The following GDPD1 variants were observed in gnomAD, a reference collection of about 807,000 sequenced individuals.
GDPD1 encodes the protein glycerophosphodiester phosphodiesterase domain containing 1.
Under a neutral mutation model 45.1 loss-of-function variants are expected in GDPD1, and 28 were observed. The ratio of observed to expected loss-of-function variants is 0.62; its 90% CI spans 0.46 to 0.85. GDPD1 has a LOEUF of 0.85. Among genes scored for constraint, GDPD1 ranks in the 40% least tolerant of loss-of-function variants. GDPD1 has a pLI of 0.00. For missense variants in GDPD1, 256 were observed against 364.8 expected (o/e 0.70, Z 2.43); for synonymous variants, 139 against 131.4 (o/e 1.06, Z -0.40).
intron 3 of GDPD1, among the ~76,000 whole-genome samples, chr17:59,247,491 G>A (rs2047221093): frequency 6.6e-6 from 1 of 152,066 alleles, no homozygotes; most frequent in Non-Finnish European, 1.5e-5. Flanking sequence ...TGGCCTTTCA[G>A]ATTCCATACT....
intron 6 of GDPD1, among the ~76,000 whole-genome samples, chr17:59,262,380 C>T (rs140331148): frequency 2.4e-4 from 36 of 152,242 alleles, no homozygotes; most frequent in African/African-American, 8.7e-4. Flanking sequence ...CAAACTCTGA[C>T]ATTTCCATAC....
In GDPD1 at chr17:59,238,268, CA is replaced by C. The variant is rs373144110; in HGVS notation, c.185+3752del. Reference sequence around the variant, plus strand: ...GGGCAACAAGAGTGAAACTCCATCTCAAAAAAAAAAAAAAAAAAGAAGTAAT... The same window carrying C: ...GGGCAACAAGAGTGAAACTCCATCTCAAAAAAAAAAAAAAAAAGAAGTAAT... On this transcript the variant is annotated intron_variant, in intron 2 of 9. Transcript: ENST00000284116. Among the ~76,000 whole-genome samples the C allele has an allele frequency of 9.6e-3, 770 of 80,152 alleles. 2 individuals are homozygous for C. The highest frequency in any genetic ancestry group is 0.029 in the African/African-American group (656 of 22,934). 52.6% of individuals were successfully genotyped at this position (80,152 alleles called of 152,430 possible). A position where few individuals can be genotyped will look rare whatever the true frequency, so the allele number is the denominator to read the frequency against.
intron 8 of GDPD1, 121 bp downstream of exon 8, chr17:59,271,116 T>G: frequency 1.7e-6 from 1 of 595,534 alleles, no homozygotes; most frequent in East Asian, 2.9e-5. Context: ...ATTGAGCACC[T>G]GCTATGTAAA....
Position 59,220,599 on chromosome 17 carries a change from C to T in GDPD1, c.-11C>T, listed in dbSNP as rs2046995274. On this transcript the variant is annotated 5_prime_UTR_variant, in exon 1 of 10. In the 5' UTR this introduces an upstream ATG that the reference lacks. Coordinates refer to ENST00000284116, the MANE Select transcript of GDPD1 (RefSeq NM_182569.4). ...GCCCGGAGGTGGGAGACTTCCCACA[C>T]GGTGACTGAGATGTCGTCCACTGCG... The T allele has an allele frequency of 6.2e-7, 1 of 1,612,212 alleles. No individual in the cohort carries two copies. Among genetic ancestry groups the T allele is most frequent in the Non-Finnish European group, 8.5e-7 (1 of 1,178,966 alleles).
intron 6 of GDPD1, 80 bp downstream of exon 6, chr17:59,257,920 A>AT (rs947170282): frequency 2.0e-5 from 20 of 990,892 alleles, no homozygotes; most frequent in East Asian, 3.1e-5. Context: ...TATAGTAATA[A>AT]TTTTTTTTCT....
intron 4 of GDPD1, among the ~76,000 whole-genome samples, chr17:59,256,076 C>T (rs1474359356): frequency 3.3e-5 from 5 of 150,568 alleles, no homozygotes; most frequent in Admixed American, 6.7e-5. Context: ...CCCAGCACTT[C>T]GGGAGGCCGA....
intron 2 of GDPD1, among the ~76,000 whole-genome samples, chr17:59,237,925 C>T (rs1174943033): frequency 7.3e-6 from 1 of 136,284 alleles, no homozygotes; most frequent in African/African-American, 2.8e-5. Context: ...TAAAAATTAG[C>T]TGGGCACAGC....
intron 1 of GDPD1, among the ~76,000 whole-genome samples, chr17:59,229,197 A>G (rs528523119): frequency 6.0e-4 from 89 of 149,378 alleles, no homozygotes; most frequent in Middle Eastern, 3.5e-3. Context: ...TCTGTCGCCC[A>G]GGCTGGAGTG....
intron 6 of GDPD1, among the ~76,000 whole-genome samples, chr17:59,259,129 T>C (rs1282201985): frequency 5.4e-5 from 8 of 147,448 alleles, no homozygotes; most frequent in Non-Finnish European, 9.0e-5. Flanking sequence ...GACTTCTAAC[T>C]CTATTAAAAA....
At position 59,220,736 on chromosome 17, in the gene GDPD1, A is replaced by G; in HGVS notation, c.127A>G (p.Ile43Val). Reference sequence around the variant, plus strand: ...GAAGCAGCGATTCCTCAGTAAACACATCTCTCACCGCGGAGGTGAGAGGGG... The same window carrying G: ...GAAGCAGCGATTCCTCAGTAAACACGTCTCTCACCGCGGAGGTGAGAGGGG... ...RKKQRFLSKH[I>V]SHRGGAGENL... Residue 43 changes from isoleucine (I) to valine (V), a missense_variant, in exon 1 of 10, where the codon ATC (isoleucine) becomes GTC (valine). Coordinates refer to ENST00000284116, the MANE Select transcript of GDPD1 (RefSeq NM_182569.4). 2 of 1,613,544 alleles carry G rather than the reference A, an allele frequency of 1.2e-6. No homozygotes were observed. The highest frequency in any genetic ancestry group is 1.7e-5 in the Admixed American group (1 of 60,000).
intron 4 of GDPD1, among the ~76,000 whole-genome samples, chr17:59,253,390 G>T (rs751690271): frequency 6.6e-6 from 1 of 152,128 alleles, no homozygotes; most frequent in Non-Finnish European, 1.5e-5. Context: ...TTTAAGTAGA[G>T]ATCAGGTCTC....
At chr17:59,258,373 G>C (rs1332698077) in intron 6 of GDPD1, among the ~76,000 whole-genome samples, 1 of 151,978 alleles carries the variant, frequency 6.6e-6, no homozygotes, top group Non-Finnish European at 1.5e-5. Context: ...GTGAAACCCT[G>C]TCTCTATGAA....
chr17:59,249,918 C>T (rs933693677), intron 4 of GDPD1, among the ~76,000 whole-genome samples: 13 of 152,020 alleles, frequency 8.6e-5, no homozygotes, highest in East Asian at 1.9e-4. Context: ...GGTGTGGTGA[C>T]GTACACCTCT....
intron 6 of GDPD1, among the ~76,000 whole-genome samples, chr17:59,265,421 C>A (rs2147903498): frequency 6.6e-6 from 1 of 151,570 alleles, no homozygotes; most frequent in Non-Finnish European, 1.5e-5. Context: ...GTCTGTAGTC[C>A]CAGCTGTTTG....
intron 2 of GDPD1, among the ~76,000 whole-genome samples, chr17:59,239,400 T>A (rs2047158361): frequency 6.6e-6 from 1 of 151,782 alleles, no homozygotes; most frequent in Non-Finnish European, 1.5e-5. Flanking sequence ...TTTTTTGTAT[T>A]TTTTTTTGTA....
At chr17:59,229,185 G>A (rs923271556) in intron 1 of GDPD1, among the ~76,000 whole-genome samples, 212 of 147,592 alleles carry the variant, frequency 1.4e-3, no homozygotes, top group African/African-American at 4.7e-3. Flanking sequence ...ACAGAGTCTC[G>A]CTCTGTCGCC....
In GDPD1 at chr17:59,264,108, C is replaced by T. The variant is rs773298670; in HGVS notation, c.577-2933C>T. ...CCGCCTGCTGGGTTCAAGCAATTCT[C>T]CTGTCTCAGCCTCCTGAGTAGCTGG... On this transcript the variant is annotated intron_variant, in intron 6 of 9. Coordinates refer to ENST00000284116, the MANE Select transcript of GDPD1 (RefSeq NM_182569.4). Among the ~76,000 whole-genome samples, 88 of 152,280 alleles carry T rather than the reference C, an allele frequency of 5.8e-4. 1 individual carries two copies. The highest frequency in any genetic ancestry group is 1.0e-3 in the Non-Finnish European group (71 of 68,036).
At chr17:59,247,166 G>T (rs368740081) in intron 3 of GDPD1, among the ~76,000 whole-genome samples, 1 of 152,156 alleles carries the variant, frequency 6.6e-6, no homozygotes, top group Non-Finnish European at 1.5e-5. Flanking sequence ...TACCAGCACA[G>T]TTACCGCACA....
chr17:59,255,800 T>TATACAC lies in GDPD1; in HGVS notation c.368-1319_368-1318insCACATA, dbSNP rs1555724197. Reference sequence around the variant, plus strand: ...ATATATATATACGCGTATATATGTATATATATATATACGCGTATATATATA... The same window carrying TATACAC: ...ATATATATATACGCGTATATATGTATATACACATATATATATACGCGTATATATATA... On this transcript the variant is annotated intron_variant, in intron 4 of 9. Coordinates refer to ENST00000284116, the MANE Select transcript of GDPD1 (RefSeq NM_182569.4). Among the ~76,000 whole-genome samples, 112 of 66,974 alleles carry TATACAC rather than the reference T, an allele frequency of 1.7e-3. 6 individuals are homozygous for TATACAC. Among genetic ancestry groups the TATACAC allele is most frequent in the African/African-American group, 0.01 (100 of 9,810 alleles). 43.9% of individuals were successfully genotyped at this position (66,974 alleles called of 152,430 possible).
Sources: allele counts gnomAD v4.1 joint callset (sites outside exome capture counted in the v4.1 genomes callset), GRCh38; gene constraint gnomAD v4.1.1; transcripts MANE v1.5; gene names NCBI Gene and HGNC (gene_info 2026-07-23, HGNC 2026-07-21).